Variants in WDPCP observed in about 807,000 individuals in gnomAD.
WDPCP encodes WD repeat containing planar cell polarity effector.
In WDPCP, 71 loss-of-function variants were observed where a neutral mutation model predicts 93.1. That is an observed-to-expected ratio of 0.76 (90% confidence interval 0.63 to 0.93). The LOEUF (loss-of-function observed/expected upper bound fraction) is 0.93, where lower values mean the gene tolerates loss of function less well. Ranked by LOEUF, WDPCP falls within the 40% of genes least tolerant of loss-of-function variation. The pLI, the probability that WDPCP is intolerant of heterozygous loss-of-function variation, is 0.00. For missense variants in WDPCP, 844 were observed against 887.4 expected (o/e 0.95, Z 0.62); for synonymous variants, 315 against 315.0 (o/e 1.00, Z 0.00).
chr2:63,426,933 C>T (rs574593739), intron 9 of WDPCP, among the ~76,000 whole-genome samples: 2 of 152,166 alleles, frequency 1.3e-5, no homozygotes, highest in South Asian at 4.1e-4. Context: ...AGAGCCGGGG[C>T]CACTATTCTT....
chr2:63,567,498 C>G (rs1416060670), intron 1 of WDPCP, among the ~76,000 whole-genome samples: 2 of 152,216 alleles, frequency 1.3e-5, no homozygotes, highest in African/African-American at 2.4e-5. Context: ...TCTAGCCTCT[C>G]TAGCTTCTCT....
intron 12 of WDPCP, among the ~76,000 whole-genome samples, chr2:63,367,683 A>G (rs116217755): frequency 0.015 from 2,358 of 152,308 alleles, 63 homozygotes; most frequent in African/African-American, 0.054. Context: ...TTGCAAAAAA[A>G]TCATGTGTTA....
At chr2:63,604,539 C>A (rs551966316) in intron 3 of WDPCP, among the ~76,000 whole-genome samples, 1 of 152,156 alleles carries the variant, frequency 6.6e-6, no homozygotes, top group Non-Finnish European at 1.5e-5. Context: ...AATTGCCAAG[C>A]AATAAATTTA....
intron 9 of WDPCP, among the ~76,000 whole-genome samples, chr2:63,427,517 A>G (rs1189445170): frequency 3.3e-5 from 5 of 152,228 alleles, no homozygotes; most frequent in African/African-American, 1.2e-4. Flanking sequence ...TTAAGGCAGA[A>G]ATTTTAAAAT....
At chr2:63,157,099 T>G (rs1672313396) in intron 15 of WDPCP, among the ~76,000 whole-genome samples, 1 of 151,622 alleles carries the variant, frequency 6.6e-6, no homozygotes, top group Admixed American at 6.6e-5. Context: ...CAGACATGCG[T>G]TTTGTACCAG....
intron 6 of WDPCP, among the ~76,000 whole-genome samples, chr2:63,446,331 C>T (rs1360477962): frequency 1.3e-5 from 2 of 152,122 alleles, no homozygotes; most frequent in Admixed American, 6.5e-5. Flanking sequence ...GGAGGTAAAC[C>T]CTATTGGGAA....
intron 6 of WDPCP, among the ~76,000 whole-genome samples, chr2:63,467,438 C>T (rs182784521): frequency 6.6e-6 from 1 of 151,820 alleles, no homozygotes; most frequent in Non-Finnish European, 1.5e-5. Flanking sequence ...CGAGATTGCA[C>T]TCCATCCTGG....
the WDPCP span, among the ~76,000 whole-genome samples, chr2:63,836,507 T>C: frequency 9.2e-5 from 14 of 152,256 alleles, no homozygotes; most frequent in Non-Finnish European, 2.1e-4. Context: ...ATATTTATTC[T>C]ATGAGTTTGG....
intron 17 of WDPCP, among the ~76,000 whole-genome samples, chr2:63,143,722 T>C (rs187705340): frequency 1.2e-4 from 19 of 152,338 alleles, no homozygotes; most frequent in Non-Finnish European, 2.6e-4. Context: ...GGATACTAAA[T>C]TCTTGGCTGA....
intron 13 of WDPCP, among the ~76,000 whole-genome samples, chr2:63,285,551 AG>A (rs1448252668): frequency 6.6e-6 from 1 of 152,098 alleles, no homozygotes; most frequent in Non-Finnish European, 1.5e-5. Flanking sequence ...AAAGATAGGT[AG>A]AAATAATAGA....
intron 9 of WDPCP, among the ~76,000 whole-genome samples, chr2:63,422,015 T>C (rs758041429): frequency 3.9e-5 from 6 of 152,202 alleles, no homozygotes; most frequent in Non-Finnish European, 7.4e-5. Flanking sequence ...ATTACGAATA[T>C]GTATATGTAT....
At chr2:63,535,951 G>T (rs963604846) in intron 1 of WDPCP, among the ~76,000 whole-genome samples, 2 of 151,962 alleles carry the variant, frequency 1.3e-5, no homozygotes, top group Non-Finnish European at 2.9e-5. Context: ...GAAAATTTTT[G>T]CAGTCTACGC....
chr2:63,409,673 T>G (rs1694882837), intron 9 of WDPCP, among the ~76,000 whole-genome samples: 1 of 152,128 alleles, frequency 6.6e-6, no homozygotes, highest in South Asian at 2.1e-4. Context: ...AGGAGAAATA[T>G]TCAAGGAAAT....
At chr2:63,565,237 ATTGTT>A (rs1412187844) in intron 1 of WDPCP, among the ~76,000 whole-genome samples, 1 of 152,238 alleles carries the variant, frequency 6.6e-6, no homozygotes, top group African/African-American at 2.4e-5. Flanking sequence ...CTTGCAGGAT[ATTGTT>A]TTAAGACCAA....
intron 2 of WDPCP, among the ~76,000 whole-genome samples, chr2:63,790,021 C>G (rs1575773685): frequency 6.6e-6 from 1 of 152,170 alleles, no homozygotes; most frequent in East Asian, 1.9e-4. Context: ...TGTTTAACCT[C>G]AAAATTTCTA....
At chr2:63,573,307 C>G (rs1707670381) in intron 1 of WDPCP, among the ~76,000 whole-genome samples, 2 of 151,786 alleles carry the variant, frequency 1.3e-5, no homozygotes, top group Non-Finnish European at 2.9e-5. Context: ...CTCATTGCAA[C>G]TTGTTGTGGG....
chr2:63,191,462 C>T (rs1214172494), intron 14 of WDPCP, among the ~76,000 whole-genome samples: 1 of 152,086 alleles, frequency 6.6e-6, no homozygotes, highest in African/African-American at 2.4e-5. Context: ...GGAAGCTACC[C>T]TAATTCATAA....
intron 9 of WDPCP, among the ~76,000 whole-genome samples, chr2:63,428,984 T>C (rs1696524825): frequency 6.6e-6 from 1 of 152,022 alleles, no homozygotes; most frequent in South Asian, 2.1e-4. Flanking sequence ...AACCTAGAGA[T>C]GGAACAGAAT....
At chr2:63,381,781 A>G in intron 11 of WDPCP, 125 bp downstream of exon 11, 1 of 948,062 alleles carries the variant, frequency 1.1e-6, no homozygotes, top group Non-Finnish European at 1.6e-6. Flanking sequence ...GTTTTAATAG[A>G]GCACTAACAT....
Sources: allele counts gnomAD v4.1 joint callset (sites outside exome capture counted in the v4.1 genomes callset), GRCh38; gene constraint gnomAD v4.1.1; transcripts MANE v1.5; gene names NCBI Gene and HGNC (gene_info 2026-07-23, HGNC 2026-07-21).